WDR59: variants seen among roughly 807,000 people sequenced by gnomAD.
WDR59 encodes GATOR2 complex protein WDR59.
WDR59 carries 100 observed loss-of-function variants against 131.2 expected under a neutral mutation model. The observed-to-expected ratio is 0.76, with a 90% CI of 0.65 to 0.90. The LOEUF is 0.90. WDR59 is among the 40% of genes least tolerant of loss of function. The pLI, the probability that WDR59 is intolerant of heterozygous loss-of-function variation, is 0.00. For missense variants in WDR59, 1,203 were observed against 1,262.2 expected, an observed-to-expected ratio of 0.95 and a Z score of 0.71; for synonymous variants, 601 against 466.2, an observed-to-expected ratio of 1.29 and a Z score of -3.72.
At chr16:74,941,081 A>G (rs1483388978) in intron 7 of WDR59, among the ~76,000 whole-genome samples, 4 of 151,658 alleles carry the variant, frequency 2.6e-5, no homozygotes, top group African/African-American at 9.7e-5. Flanking sequence ...GCAGTGGCTC[A>G]TGTCTGTAAT....
chr16:74,945,708 T>C lies in WDR59; in HGVS notation c.445+2811A>G, dbSNP rs1027313979. ...TTGATTCATCTATCCATGCAACAAA[T>C]GCTCAGTCCCCCTTATCCGCGGGTC... On this transcript the variant is annotated intron_variant, in intron 6 of 25. Transcript: ENST00000262144. Among the ~76,000 whole-genome samples the C allele has an allele frequency of 1.1e-4, 16 of 151,978 alleles. 1 individual carries two copies. Among genetic ancestry groups the C allele is most frequent in the African/African-American group, 2.9e-4 (12 of 41,496 alleles).
chr16:74,940,939 C>G (rs1021885644), intron 7 of WDR59, among the ~76,000 whole-genome samples: 14 of 151,866 alleles, frequency 9.2e-5, no homozygotes, highest in Non-Finnish European at 2.1e-4. Context: ...CTCCTGACCT[C>G]GTGATCCACC....
At chr16:74,890,140 T>C (rs751130403) in intron 20 of WDR59, among the ~76,000 whole-genome samples, 1 of 152,196 alleles carries the variant, frequency 6.6e-6, no homozygotes, top group Non-Finnish European at 1.5e-5. Context: ...CACTAACTCA[T>C]ATGACTTTTT....
intron 20 of WDR59, 128 bp from the exon 21 acceptor site, chr16:74,889,943 C>A (rs1159170611): frequency 3.2e-6 from 2 of 630,408 alleles, no homozygotes; most frequent in Non-Finnish European, 2.7e-6. Flanking sequence ...AAAGCTGGAT[C>A]CTTATTGAAA....
At chr16:74,937,857 G>C (rs965229037) in intron 8 of WDR59, among the ~76,000 whole-genome samples, 6 of 152,186 alleles carry the variant, frequency 3.9e-5, no homozygotes, top group African/African-American at 1.4e-4. Context: ...CAAAGGGAAA[G>C]ACGAAAACCT....
At chr16:74,886,508 A>C in intron 23 of WDR59, 112 bp from the exon 24 acceptor site, 7 of 1,383,762 alleles carry the variant, frequency 5.1e-6, no homozygotes, top group Non-Finnish European at 6.7e-6. Flanking sequence ...AGAAATGTTA[A>C]GCGAGGCTGA....
chr16:74,916,319 T>C, intron 11 of WDR59, 60 bp from the exon 12 acceptor site: 1 of 1,605,996 alleles, frequency 6.2e-7, no homozygotes. Flanking sequence ...TTGTCATGTC[T>C]GATTAAAGAG....
chr16:74,912,856 A>G lies in WDR59; in HGVS notation c.1225-494T>C, dbSNP rs375082939. Among the ~76,000 whole-genome samples, 19 of 152,388 alleles carry G rather than the reference A, an allele frequency of 1.2e-4. No homozygotes were observed. In the East Asian group the frequency reaches 3.1e-3, roughly 25 times the overall value. On this transcript the variant is annotated intron_variant, in intron 13 of 25. Transcript: ENST00000262144. ...TGGGCTGTGGCTAGCTATCTGCAGC[A>G]GGAGTATGTCTTTAAGGCACAGATT...
At chr16:74,880,459 A>AAAAAGAG (rs1163700095) in intron 25 of WDR59, among the ~76,000 whole-genome samples, 2 of 152,036 alleles carry the variant, frequency 1.3e-5, no homozygotes, top group African/African-American at 4.8e-5. Context: ...AAAATAAATA[A>AAAAAGAG]ATTAATTAAT....
chr16:74,961,967 T>A (rs980487789), intron 2 of WDR59, among the ~76,000 whole-genome samples: 1 of 152,196 alleles, frequency 6.6e-6, no homozygotes, highest in Non-Finnish European at 1.5e-5. Context: ...TATTTTTTTA[T>A]AAGGTTTAAG....
At chr16:74,911,481 C>A (rs573218782) in intron 14 of WDR59, among the ~76,000 whole-genome samples, 1 of 152,326 alleles carries the variant, frequency 6.6e-6, no homozygotes, top group East Asian at 1.9e-4. Flanking sequence ...ACTTGTGACA[C>A]TGCTCAGACT....
At chr16:74,885,219 G>A (rs542157731) in intron 25 of WDR59, among the ~76,000 whole-genome samples, 31 of 152,122 alleles carry the variant, frequency 2.0e-4, no homozygotes, top group South Asian at 1.2e-3. Flanking sequence ...TTGGGAGGCC[G>A]AGGCAGGCAG....
At chr16:74,930,719 T>G (rs1434661280) in intron 8 of WDR59, 1 of 151,376 alleles carries the variant, frequency 6.6e-6, no homozygotes, top group African/African-American at 2.4e-5. Flanking sequence ...ATGGTGAAAC[T>G]CTGTCTCTAC....
At chr16:74,976,425 T>G (rs2145237644) in intron 1 of WDR59, among the ~76,000 whole-genome samples, 1 of 151,516 alleles carries the variant, frequency 6.6e-6, no homozygotes, top group Non-Finnish European at 1.5e-5. Context: ...ATACGAACGT[T>G]TTTCTTTTTC....
At chr16:74,914,931 A>G (rs1296572877) in intron 13 of WDR59, among the ~76,000 whole-genome samples, 1 of 152,204 alleles carries the variant, frequency 6.6e-6, no homozygotes, top group Admixed American at 6.5e-5. Flanking sequence ...TAGTTATGTA[A>G]CAGCACATAT....
rs186088016 is a variant in WDR59 at position 74,876,540 on chromosome 16, A to G, written c.2690-2096T>C. Among the ~76,000 whole-genome samples the G allele has an allele frequency of 1.2e-4, 19 of 152,316 alleles. 1 individual carries two copies. Among genetic ancestry groups the G allele is most frequent in the Admixed American group, 1.1e-3 (17 of 15,290 alleles). Reference sequence around the variant, plus strand: ...AATTATTAAAATGTCATCTCACAGTATCATTAATAATTGTGTTTCTCTACA... The same window carrying G: ...AATTATTAAAATGTCATCTCACAGTGTCATTAATAATTGTGTTTCTCTACA... On this transcript the variant is annotated intron_variant, in intron 25 of 25. Transcript: ENST00000262144.
intron 21 of WDR59, among the ~76,000 whole-genome samples, chr16:74,889,481 G>T (rs1325718047): frequency 3.3e-5 from 5 of 152,026 alleles, no homozygotes; most frequent in African/African-American, 1.2e-4. Flanking sequence ...GAGTCTCAGG[G>T]GTCTCAAATC....
chr16:74,890,046 A>G (rs895182887), intron 20 of WDR59, among the ~76,000 whole-genome samples: 1 of 152,262 alleles, frequency 6.6e-6, no homozygotes, highest in African/African-American at 2.4e-5. Flanking sequence ...AAAGTTTGAG[A>G]AACACTAGGC....
At position 74,888,325 on chromosome 16, in the gene WDR59, G is replaced by A; in HGVS notation, c.2196-6C>T. 6.2e-7 allele frequency: 1 copy of A among 1,610,288 alleles called. No individual in the cohort carries two copies. Among genetic ancestry groups the A allele is most frequent in the Non-Finnish European group, 8.5e-7 (1 of 1,178,462 alleles). ...GCCGGCAATAGTGAGCCAACCTGAG[G>A]AAAAGATAAGAGGAAAGAAAACAAG... On this transcript the variant is annotated splice_region_variant and splice_polypyrimidine_tract_variant and intron_variant, in intron 21 of 25. Transcript: ENST00000262144.
Sources: gnomAD v4.1 joint callset for allele counts (sites outside exome capture counted in the v4.1 genomes callset) on GRCh38, gnomAD v4.1.1 for gene constraint, MANE v1.5 for transcripts, NCBI Gene and HGNC (gene_info 2026-07-23, HGNC 2026-07-21) for gene names.